TRPV1: variants seen among roughly 807,000 people sequenced by gnomAD.
TRPV1 encodes the protein OTRPC1.
Under a neutral mutation model 82.3 loss-of-function variants are expected in TRPV1, and 82 were observed. That is an observed-to-expected ratio of 1.00 (90% CI 0.83 to 1.20). The LOEUF (loss-of-function observed/expected upper bound fraction) is 1.20, where lower values mean the gene tolerates loss of function less well. Ranked by LOEUF, TRPV1 falls within the 50% of genes most tolerant of loss-of-function variation. TRPV1 has a pLI of 0.00. For missense variants in TRPV1, 1,067 were observed against 1,096.8 expected, an observed-to-expected ratio of 0.97 and a Z score of 0.38; for synonymous variants, 515 against 467.7, an observed-to-expected ratio of 1.10 and a Z score of -1.30.
chr17:3,597,810 A>C (rs967368016), intron 2 of TRPV1, among the ~76,000 whole-genome samples: 2 of 151,784 alleles, frequency 1.3e-5, no homozygotes, highest in Non-Finnish European at 2.9e-5. Context: ...AATAGCTGCA[A>C]TTGCAGGCAC....
chr17:3,602,844 G>A lies in TRPV1; in HGVS notation c.-34+5583C>T, dbSNP rs377283251. ...TCCTCTCAAGATTCGAGCCCCAGCC[G>A]GCCTCAGTGGCTCACGCCCGTAATC... is the stretch of plus-strand genomic sequence containing the variant. On this transcript the variant is annotated intron_variant, in intron 2 of 16. Transcript: ENST00000572705. 1.3e-3 allele frequency among the ~76,000 whole-genome samples: 195 copies of A among 152,306 alleles called. 1 individual carries two copies. Among genetic ancestry groups the A allele is most frequent in the African/African-American group, 4.5e-3 (188 of 41,570 alleles).
intron 14 of TRPV1, among the ~76,000 whole-genome samples, chr17:3,573,077 C>G (rs559194260): frequency 1.5e-4 from 23 of 151,274 alleles, no homozygotes; most frequent in African/African-American, 5.1e-4. Flanking sequence ...GAGACAGACA[C>G]TTAGTACAGT....
At chr17:3,575,664 G>A (rs956084446) in intron 13 of TRPV1, among the ~76,000 whole-genome samples, 1 of 152,090 alleles carries the variant, frequency 6.6e-6, no homozygotes, top group Non-Finnish European at 1.5e-5. Flanking sequence ...GCTTTACAGT[G>A]GAAAAGTCTG....
intron 2 of TRPV1, among the ~76,000 whole-genome samples, chr17:3,598,584 T>TA (rs2075238918): frequency 6.7e-6 from 1 of 148,248 alleles, no homozygotes; most frequent in Admixed American, 6.7e-5. Flanking sequence ...TTTTTTTTTT[T>TA]AGATGGTGTC....
chr17:3,567,110 C>T lies in TRPV1; in HGVS notation c.2348-123G>A, dbSNP rs545624344. The T allele has an allele frequency of 6.8e-6, 8 of 1,171,538 alleles. No homozygotes were observed. In the Admixed American group the frequency reaches 1.8e-4, roughly 26 times the overall value. The allele number at this position is 1,171,538 out of a possible 1,614,324, so 72.6% of individuals were successfully genotyped here. ...CGATGGCTCATGCCTGTAATCCCAGCACTTTGGGAGGCCGAGGCAGGTGGA... is the reference window on the plus strand; with the variant it reads ...CGATGGCTCATGCCTGTAATCCCAGTACTTTGGGAGGCCGAGGCAGGTGGA... On this transcript the variant is annotated intron_variant, in intron 16 of 16. Coordinates refer to ENST00000572705, the MANE Select transcript of TRPV1 (RefSeq NM_080704.4).
Position 3,566,186 on chromosome 17 carries a change from A to T in TRPV1, c.*629T>A, listed in dbSNP as rs191955257. 1 of 148,588 alleles carries T rather than the reference A, an allele frequency of 6.7e-6. No homozygotes were observed. The highest frequency in any genetic ancestry group is 1.5e-5 in the Non-Finnish European group (1 of 67,384). 9.2% of individuals were successfully genotyped at this position (148,588 alleles called of 1,614,324 possible). A position where few individuals can be genotyped will look rare whatever the true frequency, so the allele number is the denominator to read the frequency against. ...AAACTCTGTCTCACAGAAAAAAAAA[A>T]AAAGAATAAAATCAAAGAAAACAGC... is the stretch of plus-strand genomic sequence containing the variant. On this transcript the variant is annotated 3_prime_UTR_variant, in exon 17 of 17. Transcript: ENST00000572705.
intron 13 of TRPV1, 70 bp downstream of exon 13, chr17:3,577,056 T>A: frequency 6.7e-7 from 1 of 1,500,910 alleles, no homozygotes; most frequent in Non-Finnish European, 9.1e-7. Context: ...ATTCAGCTCC[T>A]GGCAGAGTCT....
intron 13 of TRPV1, among the ~76,000 whole-genome samples, chr17:3,575,767 C>G (rs916918863): frequency 6.6e-6 from 1 of 152,156 alleles, no homozygotes; most frequent in Non-Finnish European, 1.5e-5. Context: ...GCAGAAGACA[C>G]ACATGGCTTC....
chr17:3,568,041 G>A (rs2074793347), intron 16 of TRPV1, among the ~76,000 whole-genome samples: 1 of 152,178 alleles, frequency 6.6e-6, no homozygotes, highest in Admixed American at 6.5e-5. Context: ...AACTACTCAA[G>A]GCCGGGCGCG....
At chr17:3,571,195 G>A (rs1319819132) in intron 16 of TRPV1, among the ~76,000 whole-genome samples, 5 of 152,232 alleles carry the variant, frequency 3.3e-5, no homozygotes, top group African/African-American at 1.2e-4. Context: ...GGGCTGAGGA[G>A]GCAGGGCAGC....
intron 13 of TRPV1, among the ~76,000 whole-genome samples, chr17:3,575,344 G>C (rs534030954): frequency 1.3e-5 from 2 of 152,126 alleles, no homozygotes; most frequent in South Asian, 2.1e-4. Context: ...TTAGCCGGGC[G>C]TGATGATGGG....
intron 8 of TRPV1, among the ~76,000 whole-genome samples, chr17:3,587,538 G>T (rs996388463): frequency 6.6e-6 from 1 of 152,146 alleles, no homozygotes; most frequent in African/African-American, 2.4e-5. Flanking sequence ...TAAGTTCTTG[G>T]CCTGGCGCAG....
chr17:3,606,528 G>A (rs1472048198), intron 2 of TRPV1, among the ~76,000 whole-genome samples: 1 of 152,104 alleles, frequency 6.6e-6, no homozygotes, highest in Non-Finnish European at 1.5e-5. Context: ...TCATAGCATC[G>A]GGATACTGAC....
At chr17:3,569,505 A>T (rs555342888) in intron 16 of TRPV1, among the ~76,000 whole-genome samples, 4 of 152,362 alleles carry the variant, frequency 2.6e-5, no homozygotes, top group African/African-American at 9.6e-5. Context: ...GATCTCCCTA[A>T]CTTTCTGCCT....
At chr17:3,571,990 C>T (rs1216099948) in intron 15 of TRPV1, 132 bp downstream of exon 15, 1 of 1,222,008 alleles carries the variant, frequency 8.2e-7, no homozygotes, top group Non-Finnish European at 1.1e-6. Flanking sequence ...CGGCCCCAAT[C>T]CCTACAGCTG....
At chr17:3,601,032 A>C (rs161380) in intron 2 of TRPV1, among the ~76,000 whole-genome samples, 1 of 151,638 alleles carries the variant, frequency 6.6e-6, no homozygotes, top group East Asian at 1.9e-4. Flanking sequence ...CCCTCCCCCC[A>C]GCATAACCCA....
chr17:3,588,539 T>G (rs552631152), intron 7 of TRPV1, among the ~76,000 whole-genome samples, 172 bp from the exon 8 acceptor site: 1 of 151,910 alleles, frequency 6.6e-6, no homozygotes, highest in Admixed American at 6.6e-5. Flanking sequence ...CGGGCACGGG[T>G]GGCTCATGCC....
intron 3 of TRPV1, 142 bp from the exon 4 acceptor site, chr17:3,591,495 G>T: frequency 2.0e-6 from 2 of 982,476 alleles, no homozygotes; most frequent in Non-Finnish European, 2.9e-6. Context: ...CCTCAGTCTA[G>T]GTGACTGTCC....
chr17:3,585,770 A>G lies in TRPV1; in HGVS notation c.1381T>C (p.Leu461=). 6.2e-7 allele frequency: 1 copy of G among 1,612,814 alleles called. No individual in the cohort carries two copies. Among genetic ancestry groups the G allele is most frequent in the Non-Finnish European group, 8.5e-7 (1 of 1,179,402 alleles). The stretch of plus-strand genomic sequence containing the variant: ...GAGGCCTGAGCCTCTGGCCGCACCA[A>G]GCCATCCACGGGCCTGTAGTAGGCA... ...MAAYYRPVDG[L]PPFKMEKTGD... Residue 461 remains leucine, a splice_region_variant and synonymous_variant, in exon 9 of 17, where the codon TTG becomes CTG. Coordinates refer to ENST00000572705, the MANE Select transcript of TRPV1 (RefSeq NM_080704.4).
Sources: allele counts gnomAD v4.1 joint callset (sites outside exome capture counted in the v4.1 genomes callset), GRCh38; gene constraint gnomAD v4.1.1; transcripts MANE v1.5; gene names NCBI Gene and HGNC (gene_info 2026-07-23, HGNC 2026-07-21).